ATP2B2: variants seen among roughly 807,000 people sequenced by gnomAD.
The protein encoded by ATP2B2 is plasma membrane calcium-transporting ATPase 2.
A neutral mutation model predicts 120.0 loss-of-function variants in ATP2B2; 15 were observed. The ratio of observed to expected loss-of-function variants is 0.12; its 90% CI spans 0.08 to 0.19. The LOEUF (loss-of-function observed/expected upper bound fraction) is 0.19, where lower values mean the gene tolerates loss of function less well. ATP2B2 is among the 10% of genes least tolerant of loss of function. The pLI, the probability that ATP2B2 is intolerant of heterozygous loss-of-function variation, is 1.00. For synonymous variants in ATP2B2, 694 were observed against 700.3 expected (o/e 0.99, Z 0.14); for missense variants, 1,045 against 1,719.8 (o/e 0.61, Z 6.94).
At chr3:10,577,579 G>A (rs559982221) in intron 2 of ATP2B2, among the ~76,000 whole-genome samples, 4 of 152,296 alleles carry the variant, frequency 2.6e-5, no homozygotes, top group African/African-American at 9.6e-5. Flanking sequence ...ACCTCAGAAC[G>A]GGTTGTTTTC....
At chr3:10,565,672 G>A (rs2067994947) in intron 2 of ATP2B2, among the ~76,000 whole-genome samples, 1 of 152,164 alleles carries the variant, frequency 6.6e-6, no homozygotes, top group South Asian at 2.1e-4. Flanking sequence ...CTTCAATGTG[G>A]AGCCTCCAGT....
At chr3:10,696,459 A>G (rs1362178460) in intron 1 of ATP2B2, among the ~76,000 whole-genome samples, 1 of 152,042 alleles carries the variant, frequency 6.6e-6, no homozygotes, top group African/African-American at 2.4e-5. Flanking sequence ...GATGTTCTCC[A>G]TGCTCTTCTG....
intron 12 of ATP2B2, among the ~76,000 whole-genome samples, chr3:10,370,429 G>T (rs1469998658): frequency 6.6e-6 from 1 of 152,200 alleles, no homozygotes; most frequent in Non-Finnish European, 1.5e-5. Flanking sequence ...TCCCAAATTG[G>T]GTGGGGTGGG....
intron 3 of ATP2B2, among the ~76,000 whole-genome samples, chr3:10,525,882 C>T (rs1339193959): frequency 6.6e-6 from 1 of 152,108 alleles, no homozygotes; most frequent in African/African-American, 2.4e-5. Context: ...TTATATTTCA[C>T]TCATTCTCTG....
At chr3:10,588,745 A>T (rs938600185) in intron 2 of ATP2B2, among the ~76,000 whole-genome samples, 14 of 152,246 alleles carry the variant, frequency 9.2e-5, no homozygotes, top group Admixed American at 2.0e-4. Flanking sequence ...CTCTACCACA[A>T]TCTTAAGAGG....
intron 1 of ATP2B2, among the ~76,000 whole-genome samples, chr3:10,695,990 C>T (rs897411114): frequency 1.3e-5 from 2 of 152,148 alleles, no homozygotes; most frequent in Admixed American, 6.6e-5. Flanking sequence ...CACCTCAATC[C>T]CAGCCCCCAG....
chr3:10,501,624 T>C (rs1267499201), intron 1 of ATP2B2, among the ~76,000 whole-genome samples: 1 of 152,098 alleles, frequency 6.6e-6, no homozygotes, highest in Non-Finnish European at 1.5e-5. Flanking sequence ...GGCCTTGTTT[T>C]GGATTTGAGG....
At chr3:10,441,066 G>A (rs757580348) in intron 2 of ATP2B2, among the ~76,000 whole-genome samples, 1 of 152,214 alleles carries the variant, frequency 6.6e-6, no homozygotes, top group African/African-American at 2.4e-5. Context: ...GTCTTAAGGC[G>A]GGAGCAGTTT....
upstream of ATP2B2, among the ~76,000 whole-genome samples, chr3:10,509,861 C>T (rs1347391415): frequency 6.6e-6 from 1 of 152,244 alleles, no homozygotes. Context: ...CTCTCACTTA[C>T]AGGATGTGTG....
At chr3:10,401,947 A>G in intron 4 of ATP2B2, 144 bp downstream of exon 4, 1 of 1,381,482 alleles carries the variant, frequency 7.2e-7, no homozygotes, top group East Asian at 2.3e-5. Flanking sequence ...CACCTCCTAA[A>G]GGATCTCAGA....
chr3:10,535,497 A>G (rs972314334), intron 2 of ATP2B2, among the ~76,000 whole-genome samples: 4 of 152,024 alleles, frequency 2.6e-5, no homozygotes, highest in Non-Finnish European at 4.4e-5. Flanking sequence ...CATCCCTACA[A>G]GGCTTCCTTG....
chr3:10,643,451 G>C (rs1160160423), intron 1 of ATP2B2, among the ~76,000 whole-genome samples: 1 of 152,196 alleles, frequency 6.6e-6, no homozygotes, highest in Non-Finnish European at 1.5e-5. Flanking sequence ...TAGTCTTCAA[G>C]CATCTCCCCA....
intron 1 of ATP2B2, among the ~76,000 whole-genome samples, chr3:10,671,570 A>G (rs1559513993): frequency 1.3e-5 from 2 of 152,258 alleles, no homozygotes; most frequent in East Asian, 3.9e-4. Context: ...TATGGAATTT[A>G]TGGAAAGTCC....
Position 10,343,007 on chromosome 3 carries a change from T to A in ATP2B2, c.2704-42A>T. 2 of 1,596,924 alleles carry A rather than the reference T, an allele frequency of 1.3e-6. No individual in the cohort carries two copies. The highest frequency in any genetic ancestry group is 1.7e-6 in the Non-Finnish European group (2 of 1,166,018). On this transcript the variant is annotated intron_variant, in intron 18 of 22. Coordinates refer to ENST00000360273, the MANE Select transcript of ATP2B2 (RefSeq NM_001001331.4). The surrounding 1 kb of genome is among the most constrained non-coding windows in gnomAD (Gnocchi z 4.2). ...GAGGGCTGTCACCTGTGCGCCCACC[T>A]GCTGCTGTGAAGTGCTGGGCGGGCT... is the stretch of plus-strand genomic sequence containing the variant.
rs141039670 is a variant in ATP2B2 at position 10,536,399 on chromosome 3, C to CTCT, written c.-414-2269_-414-2267dup. On this transcript the variant is annotated intron_variant, in intron 2 of 21. Transcript: ENST00000646379. ...TTGCCTGTTTTATGGATTTGCTTTC[C>CTCT]TCTTCTTCTTCTTCTGCTTCTCTTC... Among the ~76,000 whole-genome samples the CTCT allele has an allele frequency of 9.8e-4, 146 of 149,498 alleles. 3 individuals carry two copies. The East Asian group carries it at 0.025, about 26-fold the overall frequency.
At chr3:10,561,336 C>A (rs1236632395) in intron 2 of ATP2B2, among the ~76,000 whole-genome samples, 7 of 152,168 alleles carry the variant, frequency 4.6e-5, no homozygotes, top group African/African-American at 1.7e-4. Context: ...TGGGGCACAG[C>A]TGCCTTTCAT....
At chr3:10,498,036 C>T (rs1041305950) in intron 1 of ATP2B2, among the ~76,000 whole-genome samples, 8 of 152,186 alleles carry the variant, frequency 5.3e-5, no homozygotes, top group African/African-American at 1.7e-4. Flanking sequence ...CACTACTTTA[C>T]GTATATTTAA....
At chr3:10,400,233 G>C (rs1482579393) in intron 5 of ATP2B2, among the ~76,000 whole-genome samples, 1 of 152,236 alleles carries the variant, frequency 6.6e-6, no homozygotes, top group Admixed American at 6.5e-5. Context: ...AACCGTTTCA[G>C]AGAATCCTCA....
chr3:10,357,220 C>T (rs770397150), intron 14 of ATP2B2, among the ~76,000 whole-genome samples: 4 of 152,028 alleles, frequency 2.6e-5, no homozygotes, highest in African/African-American at 9.7e-5. Context: ...GCTTGTTGCT[C>T]GTAGATGCAT....
Sources: allele counts gnomAD v4.1 joint callset (sites outside exome capture counted in the v4.1 genomes callset), GRCh38; gene constraint gnomAD v4.1.1; non-coding constraint Gnocchi (gnomAD v3.1); transcripts MANE v1.5; gene names NCBI Gene and HGNC (gene_info 2026-07-23, HGNC 2026-07-21).